The following MYOM2 variants were observed in gnomAD, a reference collection of about 807,000 sequenced individuals.
The protein encoded by MYOM2 is myomesin-2.
In MYOM2, 254 loss-of-function variants were observed where a neutral mutation model predicts 187.6. That is an observed-to-expected ratio of 1.35 (90% CI 1.22 to 1.50). The LOEUF is 1.50. Ranked by LOEUF, MYOM2 falls within the 40% of genes most tolerant of loss-of-function variation. The probability of loss-of-function intolerance (pLI) is 0.00; values close to 1 mark genes in which losing one functional copy is unlikely to be tolerated. For missense variants in MYOM2, 2,796 were observed against 1,924.0 expected (o/e 1.45, Z -8.48); for synonymous variants, 981 against 753.8 (o/e 1.30, Z -4.94).
intron 21 of MYOM2, among the ~76,000 whole-genome samples, chr8:2,104,398 C>G (rs578067252): frequency 6.6e-6 from 1 of 151,898 alleles, no homozygotes; most frequent in Admixed American, 6.6e-5. Flanking sequence ...GTCAGGAGAT[C>G]GAGACCATCC....
intron 28 of MYOM2, among the ~76,000 whole-genome samples, chr8:2,122,945 T>A (rs151203620): frequency 6.8e-6 from 1 of 147,746 alleles, no homozygotes; most frequent in African/African-American, 2.5e-5. Flanking sequence ...TTGTCTTTGT[T>A]AATGACATTT....
intron 17 of MYOM2, among the ~76,000 whole-genome samples, chr8:2,095,307 T>TC (rs1227620680): frequency 1.8e-4 from 28 of 151,772 alleles, no homozygotes; most frequent in African/African-American, 6.8e-4. Flanking sequence ...TTTTTTTTTT[T>TC]TCGACGTAGA....
chr8:2,106,199 C>T lies in MYOM2; in HGVS notation c.2735-43C>T, dbSNP rs768796405. ...CTCTCCCAAAAGAGAGTTGAAAGAA[C>T]ACCGTGTCCCTAAGCCGCTCACTTC... On this transcript the variant is annotated intron_variant, in intron 21 of 36. Transcript: ENST00000262113. 1.0e-5 allele frequency: 16 copies of T among 1,587,560 alleles called. No individual in the cohort carries two copies. In the South Asian group the frequency reaches 1.6e-4, roughly 16 times the overall value.
At chr8:2,115,809 A>C (rs1230429428) in intron 25 of MYOM2, 151 bp from the exon 26 acceptor site, 1 of 807,880 alleles carries the variant, frequency 1.2e-6, no homozygotes, top group Non-Finnish European at 1.9e-6. Flanking sequence ...ATCCTTGTTC[A>C]CCCAGAGGTT....
chr8:2,111,386 C>T (rs1797063007), intron 25 of MYOM2, among the ~76,000 whole-genome samples: 1 of 152,168 alleles, frequency 6.6e-6, no homozygotes, highest in African/African-American at 2.4e-5. Context: ...CCAGACATTG[C>T]AGCACAGCAG....
chr8:2,101,036 A>G lies in MYOM2; in HGVS notation c.2601A>G (p.Thr867=), dbSNP rs952175831. Reference sequence around the variant, plus strand: ...GGATCACTGTCAATCAGACGACAACAGCCAGCCGTTATTTAAAGGTAAGTC... The same window carrying G: ...GGATCACTGTCAATCAGACGACAACGGCCAGCCGTTATTTAAAGGTAAGTC... ...GEWITVNQTT[T]ASRYLKVSDL... is the part of the protein sequence containing the mutation. The change falls in exon 20 of 37, where the codon ACA becomes ACG. Residue 867 remains threonine (T), a synonymous_variant. Coordinates refer to ENST00000262113, the MANE Select transcript of MYOM2 (RefSeq NM_003970.4). The G allele has an allele frequency of 6.2e-7, 1 of 1,614,028 alleles. No homozygotes were observed. The highest frequency in any genetic ancestry group is 1.3e-5 in the African/African-American group (1 of 74,938).
At chr8:2,100,689 C>T (rs534198712) in intron 19 of MYOM2, among the ~76,000 whole-genome samples, 187 bp from the exon 20 acceptor site, 2 of 143,154 alleles carry the variant, frequency 1.4e-5, no homozygotes, top group African/African-American at 4.9e-5. Flanking sequence ...TGACCCCCAA[C>T]GTCATGCTGA....
rs1169626249 is a variant in MYOM2 at position 2,120,671 on chromosome 8, T to TA, written c.3454-2580dup. 7.0e-4 allele frequency among the ~76,000 whole-genome samples: 14 copies of TA among 19,896 alleles called. 3 individuals carry two copies. The highest frequency in any genetic ancestry group is 1.2e-3 in the Non-Finnish European group (12 of 9,664). 13.1% of individuals were successfully genotyped at this position (19,896 alleles called of 152,430 possible). The stretch of plus-strand genomic sequence containing the variant: ...ATTTGATTTCCTGTATATATATATA[T>TA]ATATTATATTATATATAAATATATA... On this transcript the variant is annotated intron_variant, in intron 28 of 36. Coordinates refer to ENST00000262113, the MANE Select transcript of MYOM2 (RefSeq NM_003970.4).
At chr8:2,089,679 T>C (rs1331627236) in intron 14 of MYOM2, among the ~76,000 whole-genome samples, 1 of 152,210 alleles carries the variant, frequency 6.6e-6, no homozygotes, top group Non-Finnish European at 1.5e-5. Flanking sequence ...TAAATTATCT[T>C]TCATTATTTG....
At chr8:2,085,553 A>ATGATCTCTGCGTGGCCCCACTGTTG (rs1485365234) in intron 14 of MYOM2, among the ~76,000 whole-genome samples, 163 bp downstream of exon 14, 5 of 7,208 alleles carry the variant, frequency 6.9e-4, no homozygotes, top group Non-Finnish European at 8.5e-4. Flanking sequence ...CCCCACTGTC[A>ATGATCTCTGCGTGGCCCCACTGTTG]TGATCTCTGC....
At chr8:2,132,501 G>C (rs1327512551) in intron 32 of MYOM2, among the ~76,000 whole-genome samples, 1 of 152,118 alleles carries the variant, frequency 6.6e-6, no homozygotes, top group East Asian at 1.9e-4. Context: ...ATCTAGACAT[G>C]GCTAGATCTC....
At chr8:2,068,334 C>A (rs1460207271) in intron 6 of MYOM2, among the ~76,000 whole-genome samples, 1 of 147,724 alleles carries the variant, frequency 6.8e-6, no homozygotes, top group Non-Finnish European at 1.5e-5. Flanking sequence ...CGGAGAGCAT[C>A]CCGGGGGCAG....
chr8:2,077,266 C>T (rs373914416), intron 11 of MYOM2, among the ~76,000 whole-genome samples: 8 of 151,746 alleles, frequency 5.3e-5, no homozygotes, highest in African/African-American at 7.3e-5. Context: ...GCCAAGATTG[C>T]GCCACTGGAC....
Position 2,079,581 on chromosome 8 carries a change from A to G in MYOM2, c.1484A>G (p.Lys495Arg). 2 of 1,614,134 alleles carry G rather than the reference A, an allele frequency of 1.2e-6. No individual in the cohort carries two copies. Among genetic ancestry groups the G allele is most frequent in the Non-Finnish European group, 1.7e-6 (2 of 1,180,012 alleles). ...RLQAVHLEGEKEIAIYQDDLE... is the reference protein window; with the variant it reads ...RLQAVHLEGEREIAIYQDDLE... ...GCAGCCGTTCATTTGGAGGGAGAGA[A>G]GGAGATTGCCATTTATCAGGATGAC... is the stretch of plus-strand genomic sequence containing the variant. The change falls in exon 13 of 37, where the codon AAG becomes AGG. Residue 495 changes from lysine (K) to arginine (R), a missense_variant. Physicochemically the swap from Lys to Arg is conservative, Grantham distance 26. Transcript: ENST00000262113.
intron 25 of MYOM2, among the ~76,000 whole-genome samples, chr8:2,112,969 C>T (rs1797116480): frequency 6.6e-6 from 1 of 152,188 alleles, no homozygotes; most frequent in Non-Finnish European, 1.5e-5. Flanking sequence ...TTGTTTTGCT[C>T]ATGTGGCCCC....
intron 3 of MYOM2, among the ~76,000 whole-genome samples, chr8:2,052,641 C>T (rs11784563): frequency 0.04 from 6,063 of 152,284 alleles, 175 homozygotes; most frequent in South Asian, 0.061. Context: ...CTCCAGGGTC[C>T]GTGGCTTCCA....
chr8:2,046,332 C>T (rs769459887), intron 1 of MYOM2, among the ~76,000 whole-genome samples: 6 of 152,162 alleles, frequency 3.9e-5, no homozygotes, highest in Non-Finnish European at 7.3e-5. Flanking sequence ...AGGAGAGGCT[C>T]GCGTTTCATC....
intron 6 of MYOM2, among the ~76,000 whole-genome samples, chr8:2,068,810 C>T (rs549590421): frequency 3.9e-5 from 6 of 152,306 alleles, no homozygotes; most frequent in Admixed American, 1.3e-4. Flanking sequence ...TCTGCCTTCT[C>T]CTCTGGCAGC....
chr8:2,069,896 G>A (rs1288385640), intron 8 of MYOM2, among the ~76,000 whole-genome samples: 1 of 152,188 alleles, frequency 6.6e-6, no homozygotes, highest in Admixed American at 6.5e-5. Flanking sequence ...GCATCATGTT[G>A]CTGTTTCGTG....
Sources: allele counts gnomAD v4.1 joint callset (sites outside exome capture counted in the v4.1 genomes callset), GRCh38; gene constraint gnomAD v4.1.1; transcripts MANE v1.5; gene names NCBI Gene and HGNC (gene_info 2026-07-23, HGNC 2026-07-21).